ERV3-1: variants seen among roughly 807,000 people sequenced by gnomAD.
The protein encoded by ERV3-1 is endogenous retrovirus group 3 member 1, envelope.
Under a neutral mutation model 24.6 loss-of-function variants are expected in ERV3-1, and 36 were observed. The observed-to-expected ratio is 1.47, with a 90% CI of 1.12 to 1.94. The LOEUF (loss-of-function observed/expected upper bound fraction) is 1.94. Ranked by LOEUF, ERV3-1 falls within the 30% of genes most tolerant of loss-of-function variation. ERV3-1 has a pLI of 0.00. For missense variants in ERV3-1, 578 were observed against 330.9 expected (o/e 1.75, Z -5.79); for synonymous variants, 211 against 122.6 (o/e 1.72, Z -4.76).
intron 1 of ERV3-1, among the ~76,000 whole-genome samples, chr7:64,994,214 T>C (rs2129122772): frequency 6.6e-6 from 1 of 152,270 alleles, no homozygotes; most frequent in South Asian, 2.1e-4. Context: ...GGTTAAATAT[T>C]GTTCACAAAC....
chr7:64,993,128 C>A lies in ERV3-1; in HGVS notation c.-102G>T, dbSNP rs1485798712. Reference sequence around the variant, plus strand: ...AGGAAAATTACTGGACTTCAGATTTCTAACCACATTTACTTCCCTGATGAT... The same window carrying A: ...AGGAAAATTACTGGACTTCAGATTTATAACCACATTTACTTCCCTGATGAT... On this transcript the variant is annotated 5_prime_UTR_variant, in exon 2 of 2. It removes the in-frame stop codon of an upstream open reading frame in the 5' UTR. Coordinates refer to ENST00000394323, the MANE Select transcript of ERV3-1 (RefSeq NM_001007253.4). The A allele has an allele frequency of 4.9e-6, 3 of 609,886 alleles. No homozygotes were observed. Among genetic ancestry groups the A allele is most frequent in the Admixed American group, 5.6e-5 (2 of 35,796 alleles). 37.8% of individuals were successfully genotyped at this position (609,886 alleles called of 1,614,324 possible).
chr7:64,995,519 T>G (rs547121553), intron 1 of ERV3-1, among the ~76,000 whole-genome samples: 2 of 152,266 alleles, frequency 1.3e-5, no homozygotes, highest in South Asian at 4.1e-4. Flanking sequence ...CACCCTCCCT[T>G]GTGGCTTCAT....
chr7:64,991,789 G>T lies in ERV3-1; in HGVS notation c.1238C>A (p.Ala413Glu), dbSNP rs1313605005. The change falls in exon 2 of 2, where the codon GCA becomes GAA. Residue 413 changes from alanine to glutamate, a missense_variant. By Grantham distance (107) the Ala-to-Glu change is moderately radical. Coordinates refer to ENST00000394323, the MANE Select transcript of ERV3-1 (RefSeq NM_001007253.4). ...ACAGATCCAGTAGAGGCCAGAGGGT[G>T]CCTGCCAGGTATTTGGAGCTTCAAG... ...YQLEAPNTWQ[A>E]PSGLYWICGP... 6 of 766,174 alleles carry T rather than the reference G, an allele frequency of 7.8e-6. No homozygotes were observed. Among genetic ancestry groups the T allele is most frequent in the East Asian group, 2.4e-5 (1 of 41,244 alleles). The allele number at this position is 766,174 out of a possible 1,614,324, so 47.5% of individuals were successfully genotyped here.
intron 1 of ERV3-1, among the ~76,000 whole-genome samples, chr7:64,995,280 C>G (rs1222627732): frequency 6.6e-6 from 1 of 152,276 alleles, no homozygotes; most frequent in South Asian, 2.1e-4. Context: ...AGCAAGGAGG[C>G]CACCCTAGCA....
At position 64,991,929 on chromosome 7, in the gene ERV3-1, T is replaced by G; in HGVS notation, c.1098A>C (p.Gln366His). 1.3e-6 allele frequency: 1 copy of G among 766,402 alleles called. No homozygotes were observed. Among genetic ancestry groups the G allele is most frequent in the Non-Finnish European group, 2.4e-6 (1 of 417,898 alleles). 47.5% of individuals were successfully genotyped at this position (766,402 alleles called of 1,614,324 possible). Residue 366 changes from glutamine (Q) to histidine (H), a missense_variant, in exon 2 of 2, where the codon CAA becomes CAC. Physicochemically the swap from Gln to His is conservative, Grantham distance 24. Transcript: ENST00000394323. ...PVGELTCLGQ[Q>H]YYNETLGKTL... Reference sequence around the variant, plus strand: ...TCTTTCCTAGTGTCTCGTTGTAATATTGTTGTCCTAGGCAAGTTAACTCTC... The same window carrying G: ...TCTTTCCTAGTGTCTCGTTGTAATAGTGTTGTCCTAGGCAAGTTAACTCTC...
intron 1 of ERV3-1, among the ~76,000 whole-genome samples, chr7:64,997,010 C>CT (rs1247293987): frequency 2.0e-5 from 3 of 152,218 alleles, no homozygotes; most frequent in Non-Finnish European, 2.9e-5. Context: ...TTTATAGTCT[C>CT]TGTCATTTTC....
At chr7:65,001,430 A>G (rs1453275640) in intron 1 of ERV3-1, among the ~76,000 whole-genome samples, 1 of 152,202 alleles carries the variant, frequency 6.6e-6, no homozygotes, top group East Asian at 1.9e-4. Context: ...TTTTGGCAAG[A>G]AACACCAGGA....
intron 1 of ERV3-1, among the ~76,000 whole-genome samples, chr7:65,001,376 G>A (rs1044117297): frequency 1.3e-5 from 2 of 152,160 alleles, no homozygotes; most frequent in African/African-American, 4.8e-5. Flanking sequence ...TTCAGTGTCT[G>A]GGAATAGGAA....
chr7:65,004,450 T>G (rs1346535093), intron 1 of ERV3-1: 1 of 152,200 alleles, frequency 6.6e-6, no homozygotes, highest in Non-Finnish European at 1.5e-5. Context: ...GAGTTTTGTT[T>G]TTGTTTTTGA....
chr7:65,005,376 A>C (rs553556677), intron 1 of ERV3-1, among the ~76,000 whole-genome samples: 26 of 152,332 alleles, frequency 1.7e-4, no homozygotes, highest in African/African-American at 5.8e-4. Flanking sequence ...CTGTGGCTAG[A>C]GGCAATAAAA....
chr7:64,992,547 G>C lies in ERV3-1; in HGVS notation c.480C>G (p.Ser160=). ...RYAHPACSTD[S]PVTTCWDCTT... The stretch of plus-strand genomic sequence containing the variant: ...TGCAGTCCCAGCAAGTTGTTACTGG[G>C]GAATCGGTGGAACAAGCAGGGTGTG... Residue 160 remains serine, a synonymous_variant, in exon 2 of 2, where the codon TCC becomes TCG. Transcript: ENST00000394323. The C allele has an allele frequency of 1.3e-6, 1 of 766,394 alleles. No individual in the cohort carries two copies. Among genetic ancestry groups the C allele is most frequent in the Non-Finnish European group, 2.4e-6 (1 of 417,912 alleles). The allele number at this position is 766,394 out of a possible 1,614,324, so 47.5% of individuals were successfully genotyped here.
rs577023598 is a variant in ERV3-1 at position 65,005,394 on chromosome 7, A to C, written c.-389+1147T>G. 2.6e-5 allele frequency among the ~76,000 whole-genome samples: 4 copies of C among 152,352 alleles called. No individual in the cohort carries two copies. In the East Asian group the frequency reaches 7.7e-4, roughly 29 times the overall value. On this transcript the variant is annotated intron_variant, in intron 1 of 1. Coordinates refer to ENST00000394323, the MANE Select transcript of ERV3-1 (RefSeq NM_001007253.4). ...TGGCTAGAGGCAATAAAAGGAAAGG[A>C]GGCACAGAACATTTTTTACAATACA... is the stretch of plus-strand genomic sequence containing the variant.
chr7:64,991,561 A>G lies in ERV3-1; in HGVS notation c.1466T>C (p.Ile489Thr). The G allele has an allele frequency of 1.4e-6, 1 of 704,076 alleles. No individual in the cohort carries two copies. The highest frequency in any genetic ancestry group is 2.6e-6 in the Non-Finnish European group (1 of 384,996). 43.6% of individuals were successfully genotyped at this position (704,076 alleles called of 1,614,324 possible). ...KDNEWPPERI[I>T]QYYGPATWAE... ...CCAGGTGGCTGGGCCATAATATTGAATTATTCTTTCAGGAGGCCATTCATT... is the reference window on the plus strand; with the variant it reads ...CCAGGTGGCTGGGCCATAATATTGAGTTATTCTTTCAGGAGGCCATTCATT... The change falls in exon 2 of 2, where the codon ATT becomes ACT. Residue 489 changes from isoleucine to threonine, a missense_variant. Coordinates refer to ENST00000394323, the MANE Select transcript of ERV3-1 (RefSeq NM_001007253.4).
intron 1 of ERV3-1, among the ~76,000 whole-genome samples, chr7:64,997,957 G>A (rs372174780): frequency 9.8e-5 from 15 of 152,298 alleles, no homozygotes; most frequent in East Asian, 9.7e-4. Flanking sequence ...GTGTTTCACG[G>A]AGGGGCATCT....
Position 64,993,140 on chromosome 7 carries a change from A to ACTTC in ERV3-1, c.-118_-115dup. 1 of 607,428 alleles carries ACTTC rather than the reference A, an allele frequency of 1.6e-6. No individual in the cohort carries two copies. Among genetic ancestry groups the ACTTC allele is most frequent in the Non-Finnish European group, 2.9e-6 (1 of 340,556 alleles). The allele number at this position is 607,428 out of a possible 1,614,324, so 37.6% of individuals were successfully genotyped here. A position where few individuals can be genotyped will look rare whatever the true frequency, so the allele number is the denominator to read the frequency against. On this transcript the variant is annotated 5_prime_UTR_variant, in exon 2 of 2. The change creates a premature stop within an existing upstream ORF in the 5' untranslated region. Coordinates refer to ENST00000394323, the MANE Select transcript of ERV3-1 (RefSeq NM_001007253.4). Reference sequence around the variant, plus strand: ...GGACTTCAGATTTCTAACCACATTTACTTCCCTGATGATGACTCAAGCTTC... The same window carrying ACTTC: ...GGACTTCAGATTTCTAACCACATTTACTTCCTTCCCTGATGATGACTCAAGCTTC...
chr7:65,000,207 T>C (rs904224498), intron 1 of ERV3-1, among the ~76,000 whole-genome samples: 2 of 152,076 alleles, frequency 1.3e-5, no homozygotes, highest in Non-Finnish European at 2.9e-5. Context: ...GGCTCATGCC[T>C]GTAATCAAAG....
In ERV3-1 at chr7:64,994,266, G is replaced by A. The variant is rs371961660; in HGVS notation, c.-388-852C>T. Among the ~76,000 whole-genome samples the A allele has an allele frequency of 1.1e-3, 169 of 152,280 alleles. 1 individual carries two copies. In the South Asian group the frequency reaches 0.024, roughly 21 times the overall value. ...GTGAGTCGCGGCACATAGAAATGGC[G>A]TCCTAGTAGCGTTTCTAGTGCTGTT... is the stretch of plus-strand genomic sequence containing the variant. On this transcript the variant is annotated intron_variant, in intron 1 of 1. Transcript: ENST00000394323.
chr7:64,996,017 T>A (rs917501488), intron 1 of ERV3-1, among the ~76,000 whole-genome samples: 4 of 152,222 alleles, frequency 2.6e-5, no homozygotes, highest in African/African-American at 9.7e-5. Flanking sequence ...GCTGACTAAC[T>A]GGTGCCAGGT....
At chr7:65,005,810 G>T (rs1333527537) in intron 1 of ERV3-1, among the ~76,000 whole-genome samples, 1 of 152,126 alleles carries the variant, frequency 6.6e-6, no homozygotes, top group Non-Finnish European at 1.5e-5. Context: ...TCCTAGGGTT[G>T]CTACTTGCAA....
Sources: gnomAD v4.1 joint callset for allele counts (sites outside exome capture counted in the v4.1 genomes callset) on GRCh38, gnomAD v4.1.1 for gene constraint, MANE v1.5 for transcripts, NCBI Gene and HGNC (gene_info 2026-07-23, HGNC 2026-07-21) for gene names.